Variants in FGFR3 observed in about 807,000 individuals in gnomAD.
The protein encoded by FGFR3 is fibroblast growth factor receptor 3, also known as FGFR-3.
In FGFR3, 25 loss-of-function variants were observed where a neutral mutation model predicts 82.9. The ratio of observed to expected loss-of-function variants is 0.30; its 90% CI spans 0.22 to 0.42. The LOEUF is 0.42. Ranked by LOEUF, FGFR3 falls within the 10% of genes least tolerant of loss-of-function variation. The pLI, the probability that FGFR3 is intolerant of heterozygous loss-of-function variation, is 1.00. For synonymous variants in FGFR3, 620 were observed against 516.0 expected, an observed-to-expected ratio of 1.20 and a Z score of -2.73; for missense variants, 1,026 against 1,161.0, an observed-to-expected ratio of 0.88 and a Z score of 1.69.
intron 7 of FGFR3, chr4:1,803,057 C>T (rs1258606026): frequency 1.3e-6 from 2 of 1,595,428 alleles, no homozygotes; most frequent in Non-Finnish European, 1.7e-6. Context: ...TTCACGGGCC[C>T]CGAGCAGGTA....
chr4:1,800,417 G>T (rs1721045175), intron 4 of FGFR3, among the ~76,000 whole-genome samples: 1 of 152,166 alleles, frequency 6.6e-6, no homozygotes, highest in African/African-American at 2.4e-5. Flanking sequence ...TGCAGGTGAG[G>T]GTCATCGTGG....
At chr4:1,795,964 C>A (rs1481635930) in intron 2 of FGFR3, among the ~76,000 whole-genome samples, 1 of 152,178 alleles carries the variant, frequency 6.6e-6, no homozygotes, top group African/African-American at 2.4e-5. Flanking sequence ...TGTTACCCAC[C>A]CCCCAGCTCC....
At chr4:1,803,238 C>T (rs904656988) in intron 7 of FGFR3, 6 of 788,544 alleles carry the variant, frequency 7.6e-6, no homozygotes, top group African/African-American at 5.7e-5. Flanking sequence ...CCGCCCGCTT[C>T]GAGCCCTGTG....
At chr4:1,799,224 C>CT in intron 2 of FGFR3, 30 bp from the exon 3 acceptor site, 1 of 1,611,530 alleles carries the variant, frequency 6.2e-7, no homozygotes. Context: ...TTGGGGGTGC[C>CT]TGCCTCATGG....
In FGFR3 at chr4:1,801,836, G is replaced by A. The variant is rs775684769; in HGVS notation, c.741G>A (p.Glu247=). The part of the protein sequence containing the change: ...IRQTYTLDVL[E]RSPHRPILQA... ...CCTGAGCGTCATCTGCCCCCACAGAGCGCTCCCCGCACCGGCCCATCCTGC... is the reference window on the plus strand; with the variant it reads ...CCTGAGCGTCATCTGCCCCCACAGAACGCTCCCCGCACCGGCCCATCCTGC... Residue 247 remains glutamate, a splice_region_variant and synonymous_variant, in exon 7 of 18, where the codon GAG becomes GAA. Coordinates refer to ENST00000440486, the MANE Select transcript of FGFR3 (RefSeq NM_000142.5). 3.1e-6 allele frequency: 5 copies of A among 1,605,766 alleles called. No homozygotes were observed. Among genetic ancestry groups the A allele is most frequent in the East Asian group, 4.5e-5 (2 of 44,704 alleles).
intron 4 of FGFR3, among the ~76,000 whole-genome samples, chr4:1,800,781 A>C (rs752562272): frequency 2.6e-5 from 4 of 152,132 alleles, no homozygotes; most frequent in Non-Finnish European, 5.9e-5. Context: ...GAGGAAGGAG[A>C]AAAACCAGTT....
At chr4:1,803,124 G>A (rs932259925) in intron 7 of FGFR3, 15 of 1,461,924 alleles carry the variant, frequency 1.0e-5, no homozygotes, top group East Asian at 2.8e-5. Context: ...CCCTGGCCGC[G>A]CGCCCTGCAC....
rs1326305524 is a variant in FGFR3 at position 1,806,942 on chromosome 4, C to A, written c.2274+8C>A. 6.3e-7 allele frequency: 1 copy of A among 1,591,530 alleles called. No individual in the cohort carries two copies. The highest frequency in any genetic ancestry group is 8.6e-7 in the Non-Finnish European group (1 of 1,169,016). ...ACCGTGACGTCCACCGACGTGAGTG[C>A]TGGCTCTGGCCTGGTGCCACCCGCC... is the stretch of plus-strand genomic sequence containing the variant. On this transcript the variant is annotated splice_region_variant and intron_variant, in intron 17 of 17. Transcript: ENST00000440486.
rs1386588637 is a variant in FGFR3, at chr4:1,805,656, C to T, written c.1632C>T (p.Ala544=). 3 of 1,613,092 alleles carry T rather than the reference C, an allele frequency of 1.9e-6. No individual in the cohort carries two copies. Among genetic ancestry groups the T allele is most frequent in the Admixed American group, 1.7e-5 (1 of 60,010 alleles). ...KHKNIINLLG[A]CTQGGPLYVL... ...AAAACATCATCAACCTGCTGGGCGC[C>T]TGCACGCAGGGCGGTAGGTGCGGTA... Residue 544 remains alanine (A), a synonymous_variant, in exon 12 of 18, where the codon GCC becomes GCT. Coordinates refer to ENST00000440486, the MANE Select transcript of FGFR3 (RefSeq NM_000142.5).
Position 1,805,688 on chromosome 4 carries a change from G to A in FGFR3, c.1645+19G>A, listed in dbSNP as rs750932538. Reference sequence around the variant, plus strand: ...CAGGGCGGTAGGTGCGGTAGCGGCGGTGGTGCCGGCTGGGCGGCCCTCCTG... The same window carrying A: ...CAGGGCGGTAGGTGCGGTAGCGGCGATGGTGCCGGCTGGGCGGCCCTCCTG... On this transcript the variant is annotated intron_variant, in intron 12 of 17. Coordinates refer to ENST00000440486, the MANE Select transcript of FGFR3 (RefSeq NM_000142.5). The A allele has an allele frequency of 9.3e-6, 15 of 1,611,284 alleles. No homozygotes were observed. The Admixed American group carries it at 1.7e-4, about 18-fold the overall frequency.
At chr4:1,795,216 C>G (rs1437033386) in intron 2 of FGFR3, among the ~76,000 whole-genome samples, 3 of 152,052 alleles carry the variant, frequency 2.0e-5, no homozygotes, top group Non-Finnish European at 2.9e-5. Flanking sequence ...TTAGCGTCTG[C>G]TCGGGCGGCC....
rs1236812238 is a variant in FGFR3 at position 1,802,006 on chromosome 4, C to G, written c.911C>G (p.Pro304Arg). ...NGSKVGPDGT[P>R]YVTVLKTAGA... ...AGCAAGGTGGGCCCGGACGGCACAC[C>G]CTACGTTACCGTGCTCAAGGTGGGC... Residue 304 changes from proline (P) to arginine (R), a missense_variant, in exon 7 of 18, where the codon CCC becomes CGC. Physicochemically the swap from Pro to Arg is moderately radical, Grantham distance 103 (BLOSUM62 -2). This residue lies in a region of FGFR3 where 256 missense variants were observed against 217.6 expected (regional missense o/e 1.18). Coordinates refer to ENST00000440486, the MANE Select transcript of FGFR3 (RefSeq NM_000142.5). 6.2e-7 allele frequency: 1 copy of G among 1,612,284 alleles called. No individual in the cohort carries two copies. Among genetic ancestry groups the G allele is most frequent in the East Asian group, 2.2e-5 (1 of 44,854 alleles).
rs1720051970 is a variant in FGFR3 at position 1,793,332 on chromosome 4, C to T, written c.-236C>T. 6.8e-6 allele frequency: 1 copy of T among 146,624 alleles called. No individual in the cohort carries two copies. The highest frequency in any genetic ancestry group is 2.0e-4 in the South Asian group (1 of 4,908). 9.1% of individuals were successfully genotyped at this position (146,624 alleles called of 1,614,324 possible). ...GCGGCGTCGCGGGCAGCTGGCGCCG[C>T]GCGGTCCTGCTCTGCCGGTCGCACG... On this transcript the variant is annotated 5_prime_UTR_variant, in exon 1 of 18. Coordinates refer to ENST00000440486, the MANE Select transcript of FGFR3 (RefSeq NM_000142.5).
rs17879249 is a variant in FGFR3, at chr4:1,798,477, G to A, written c.110-777G>A. The stretch of plus-strand genomic sequence containing the variant: ...CGGTATGTTTTCCGTCATGACCGCC[G>A]TGTGGAGCTTCCATAGGAGCTGCAG... On this transcript the variant is annotated intron_variant, in intron 2 of 17. Coordinates refer to ENST00000440486, the MANE Select transcript of FGFR3 (RefSeq NM_000142.5). 5.1e-3 allele frequency among the ~76,000 whole-genome samples: 781 copies of A among 151,694 alleles called. 4 individuals carry two copies. Among genetic ancestry groups the A allele is most frequent in the African/African-American group, 0.018 (733 of 41,364 alleles).
chr4:1,796,851 G>T (rs1720573942), intron 2 of FGFR3, among the ~76,000 whole-genome samples: 1 of 152,174 alleles, frequency 6.6e-6, no homozygotes, highest in Non-Finnish European at 1.5e-5. Context: ...TGAGCTCCTG[G>T]GCCTGTGGGG....
chr4:1,800,661 G>T (rs903018162), intron 4 of FGFR3, among the ~76,000 whole-genome samples: 5 of 152,156 alleles, frequency 3.3e-5, no homozygotes, highest in East Asian at 1.9e-4. Flanking sequence ...TGATGGGCGT[G>T]TGCCTGGAGG....
At chr4:1,801,251 C>A in intron 4 of FGFR3, 116 bp from the exon 5 acceptor site, 1 of 1,196,150 alleles carries the variant, frequency 8.4e-7, no homozygotes, top group Non-Finnish European at 1.2e-6. Context: ...CCTCTTCCTA[C>A]ACAGGACGGG....
At chr4:1,802,326 G>A (rs1031155926) in intron 7 of FGFR3, among the ~76,000 whole-genome samples, 1 of 152,188 alleles carries the variant, frequency 6.6e-6, no homozygotes, top group Non-Finnish European at 1.5e-5. Context: ...TGGTGCCCCA[G>A]GACAGGAGGG....
At position 1,806,922 on chromosome 4, in the gene FGFR3, G is replaced by GACC. The variant is rs1722002124; in HGVS notation, c.2264_2265insCAC (p.Thr755dup). ...AGGACCTGGACCGTGTCCTTACCGT[G>GACC]ACGTCCACCGACGTGAGTGCTGGCT... On this transcript the variant is annotated inframe_insertion, in exon 17 of 18. Transcript: ENST00000440486. 6.2e-7 allele frequency: 1 copy of GACC among 1,606,222 alleles called. No homozygotes were observed. Among genetic ancestry groups the GACC allele is most frequent in the Admixed American group, 1.7e-5 (1 of 59,324 alleles).
Sources: allele counts gnomAD v4.1 joint callset (sites outside exome capture counted in the v4.1 genomes callset), GRCh38; gene constraint gnomAD v4.1.1; regional missense constraint gnomAD v4.1.1; transcripts MANE v1.5; gene names NCBI Gene and HGNC (gene_info 2026-07-23, HGNC 2026-07-21).